LY86: variants seen among roughly 807,000 people sequenced by gnomAD.
LY86 encodes the protein MD-1, RP105-associated.
A neutral mutation model predicts 17.3 loss-of-function variants in LY86; 20 were observed. The observed-to-expected ratio is 1.15, with a 90% CI of 0.81 to 1.68. The LOEUF (loss-of-function observed/expected upper bound fraction) is 1.68, where lower values mean the gene tolerates loss of function less well. Ranked by LOEUF, LY86 falls within the 40% of genes most tolerant of loss-of-function variation. The pLI, the probability that LY86 is intolerant of heterozygous loss-of-function variation, is 0.00. For synonymous variants in LY86, 74 were observed against 70.6 expected (o/e 1.05, Z -0.24); for missense variants, 200 against 191.9 (o/e 1.04, Z -0.25).
chr6:6,634,572 G>T (rs902622411), intron 3 of LY86, among the ~76,000 whole-genome samples: 2 of 152,172 alleles, frequency 1.3e-5, no homozygotes, highest in African/African-American at 2.4e-5. Flanking sequence ...GGTGCTTGTG[G>T]TTACCCATCT....
At chr6:6,652,090 G>T (rs539739767) in intron 4 of LY86, among the ~76,000 whole-genome samples, 2 of 147,684 alleles carry the variant, frequency 1.4e-5, no homozygotes, top group South Asian at 4.3e-4. Context: ...AAGGAAAAAG[G>T]TTGACCAGAT....
In LY86 at chr6:6,596,713, T is replaced by C. The variant is rs922477246; in HGVS notation, c.136+7843T>C. Among the ~76,000 whole-genome samples, 6 of 152,100 alleles carry C rather than the reference T, an allele frequency of 3.9e-5. No homozygotes were observed. In the East Asian group the frequency reaches 1.2e-3, roughly 29 times the overall value. On this transcript the variant is annotated intron_variant, in intron 1 of 4. Coordinates refer to ENST00000230568, the MANE Select transcript of LY86 (RefSeq NM_004271.4). Reference sequence around the variant, plus strand: ...GGTGCAGATTTTTTTTAATGCTAGATGAAAGTGAACGCTGCCAGAAGGGAA... The same window carrying C: ...GGTGCAGATTTTTTTTAATGCTAGACGAAAGTGAACGCTGCCAGAAGGGAA...
intron 1 of LY86, among the ~76,000 whole-genome samples, chr6:6,605,910 G>C (rs560589302): frequency 6.6e-6 from 1 of 152,146 alleles, no homozygotes; most frequent in Non-Finnish European, 1.5e-5. Context: ...GCTGGCTTCA[G>C]GAATGAAGCT....
intron 1 of LY86, among the ~76,000 whole-genome samples, chr6:6,613,449 C>T (rs951530536): frequency 1.1e-4 from 16 of 152,194 alleles, no homozygotes; most frequent in Non-Finnish European, 1.9e-4. Flanking sequence ...GGGAGGCAGC[C>T]AAGGCCCGGT....
rs116383647 is a variant in LY86, at chr6:6,653,862, C to T, written c.406-682C>T. Among the ~76,000 whole-genome samples, 1,032 of 152,324 alleles carry T rather than the reference C, an allele frequency of 6.8e-3. 11 individuals carry two copies. The highest frequency in any genetic ancestry group is 0.024 in the African/African-American group (982 of 41,588). ...CTCTCTGGCACCCAAAGCCTTCCCCCACCTCCACCTCTACTCCAAGTCATC... is the reference window on the plus strand; with the variant it reads ...CTCTCTGGCACCCAAAGCCTTCCCCTACCTCCACCTCTACTCCAAGTCATC... On this transcript the variant is annotated intron_variant, in intron 4 of 4. Transcript: ENST00000230568.
chr6:6,639,543 G>A (rs990790094), intron 3 of LY86, among the ~76,000 whole-genome samples: 1 of 152,170 alleles, frequency 6.6e-6, no homozygotes, highest in Non-Finnish European at 1.5e-5. Flanking sequence ...AGGGAAAGCC[G>A]GCTTTCTCGC....
At position 6,603,607 on chromosome 6, in the gene LY86, A is replaced by C. The variant is rs1309875769; in HGVS notation, c.136+14737A>C. Among the ~76,000 whole-genome samples the C allele has an allele frequency of 8.9e-3, 946 of 106,558 alleles. 35 individuals are homozygous for C. Among genetic ancestry groups the C allele is most frequent in the South Asian group, 0.02 (60 of 3,058 alleles). The allele number at this position is 106,558 out of a possible 152,430, so 69.9% of individuals were successfully genotyped here. A position where few individuals can be genotyped will look rare whatever the true frequency, so the allele number is the denominator to read the frequency against. On this transcript the variant is annotated intron_variant, in intron 1 of 4. Coordinates refer to ENST00000230568, the MANE Select transcript of LY86 (RefSeq NM_004271.4). ...AGCCAAAAACAAAAACAGAAACAGAAAAAAAAACAAACAAAAAAAAACAAA... is the reference window on the plus strand; with the variant it reads ...AGCCAAAAACAAAAACAGAAACAGACAAAAAAACAAACAAAAAAAAACAAA...
chr6:6,607,186 G>A (rs1761192470), intron 1 of LY86, among the ~76,000 whole-genome samples: 1 of 152,238 alleles, frequency 6.6e-6, no homozygotes, highest in Non-Finnish European at 1.5e-5. Flanking sequence ...TTTCAGGGAG[G>A]AGAGTAAAGA....
intron 1 of LY86, among the ~76,000 whole-genome samples, chr6:6,609,660 C>G (rs1761282691): frequency 6.6e-6 from 1 of 152,016 alleles, no homozygotes; most frequent in African/African-American, 2.4e-5. Context: ...GGATTGCTTC[C>G]TAGGAAAAGT....
At chr6:6,601,661 A>G (rs984900106) in intron 1 of LY86, among the ~76,000 whole-genome samples, 1 of 152,108 alleles carries the variant, frequency 6.6e-6, no homozygotes, top group African/African-American at 2.4e-5. Context: ...CAGAGCTTGC[A>G]GTGAGCAGAG....
chr6:6,599,345 A>C (rs1233538355), intron 1 of LY86, among the ~76,000 whole-genome samples: 1 of 152,226 alleles, frequency 6.6e-6, no homozygotes, highest in Admixed American at 6.5e-5. Context: ...CATTCACTCC[A>C]ACCAGCAGAA....
intron 1 of LY86, among the ~76,000 whole-genome samples, chr6:6,600,997 A>C (rs576662796): frequency 6.6e-6 from 1 of 152,358 alleles, no homozygotes; most frequent in Non-Finnish European, 1.5e-5. Flanking sequence ...TCATGTGTAA[A>C]TAAGTGCACA....
intron 1 of LY86, among the ~76,000 whole-genome samples, chr6:6,602,714 A>G (rs1760949095): frequency 6.6e-6 from 1 of 152,160 alleles, no homozygotes; most frequent in African/African-American, 2.4e-5. Context: ...GAGATGTCAT[A>G]TCTCAAGGGG....
At chr6:6,640,373 C>T (rs1190329745) in intron 3 of LY86, among the ~76,000 whole-genome samples, 1 of 149,396 alleles carries the variant, frequency 6.7e-6, no homozygotes, top group Non-Finnish European at 1.5e-5. Flanking sequence ...GCCTGGGCAA[C>T]ATAGAGAAAC....
intron 1 of LY86, among the ~76,000 whole-genome samples, chr6:6,601,772 G>A (rs977864520): frequency 3.3e-5 from 5 of 152,226 alleles, no homozygotes; most frequent in East Asian, 3.9e-4. Flanking sequence ...AGGGACCATG[G>A]TGCTTGCCTC....
intron 1 of LY86, among the ~76,000 whole-genome samples, chr6:6,610,121 C>A (rs1761293864): frequency 6.6e-6 from 1 of 152,164 alleles, no homozygotes; most frequent in Non-Finnish European, 1.5e-5. Context: ...CGCAGTAACC[C>A]TGCATAGAAC....
intron 3 of LY86, among the ~76,000 whole-genome samples, chr6:6,634,126 C>A (rs941992288): frequency 2.6e-5 from 4 of 152,204 alleles, no homozygotes; most frequent in Non-Finnish European, 4.4e-5. Context: ...CCTGCACAAG[C>A]CACTTCTCAG....
rs1305444257 is a variant in LY86 at position 6,590,118 on chromosome 6, T to TTTAAAAA, written c.136+1248_136+1249insTTAAAAA. ...GGGCAAGAGGAGCGAAACTCTGTCT[T>TTTAAAAA]AAAAAAAAAAAAAAAAAAAAAAAAG... is the stretch of plus-strand genomic sequence containing the variant. On this transcript the variant is annotated intron_variant, in intron 1 of 4. Coordinates refer to ENST00000230568, the MANE Select transcript of LY86 (RefSeq NM_004271.4). 3.7e-5 allele frequency among the ~76,000 whole-genome samples: 3 copies of TTTAAAAA among 80,586 alleles called. No individual in the cohort carries two copies. The East Asian group carries it at 1.5e-3, about 40-fold the overall frequency. 52.9% of individuals were successfully genotyped at this position (80,586 alleles called of 152,430 possible). A position where few individuals can be genotyped will look rare whatever the true frequency, so the allele number is the denominator to read the frequency against.
intron 1 of LY86, 46 bp from the exon 2 acceptor site, chr6:6,624,880 A>C (rs768219674): frequency 1.2e-6 from 1 of 868,710 alleles, no homozygotes; most frequent in Admixed American, 2.4e-5. Context: ...ATGTTTGCAA[A>C]ATATACGATG....
Sources: gnomAD v4.1 joint callset for allele counts (sites outside exome capture counted in the v4.1 genomes callset) on GRCh38, gnomAD v4.1.1 for gene constraint, MANE v1.5 for transcripts, NCBI Gene and HGNC (gene_info 2026-07-23, HGNC 2026-07-21) for gene names.